Variants in RTTN observed in about 807,000 individuals in gnomAD.
RTTN encodes the protein rotatin.
A neutral mutation model predicts 269.2 loss-of-function variants in RTTN; 182 were observed. The observed-to-expected ratio is 0.68, with a 90% CI of 0.60 to 0.76. The LOEUF (loss-of-function observed/expected upper bound fraction) is 0.76. Ranked by LOEUF, RTTN falls within the 30% of genes least tolerant of loss-of-function variation. RTTN has a pLI of 0.00. For synonymous variants in RTTN, 1,006 were observed against 963.5 expected (o/e 1.04, Z -0.82); for missense variants, 2,545 against 2,608.6 (o/e 0.98, Z 0.53).
chr18:70,114,798 CA>C (rs2059562375), intron 26 of RTTN, among the ~76,000 whole-genome samples, 199 bp from the exon 27 acceptor site: 1 of 151,864 alleles, frequency 6.6e-6, no homozygotes, highest in Non-Finnish European at 1.5e-5. Context: ...ACATATTTAT[CA>C]TATAAAATAG....
chr18:70,148,131 C>G (rs1238614426), intron 17 of RTTN, among the ~76,000 whole-genome samples: 1 of 152,070 alleles, frequency 6.6e-6, no homozygotes, highest in East Asian at 1.9e-4. Context: ...GCTGTATTTT[C>G]CTGATGTAAG....
chr18:70,059,190 C>T (rs1349788572), intron 36 of RTTN, among the ~76,000 whole-genome samples: 1 of 152,082 alleles, frequency 6.6e-6, no homozygotes, highest in Non-Finnish European at 1.5e-5. Context: ...GTTAATGACA[C>T]AGTAGGGAGT....
chr18:70,035,462 A>C (rs896737006), intron 40 of RTTN, among the ~76,000 whole-genome samples: 1 of 152,262 alleles, frequency 6.6e-6, no homozygotes, highest in Non-Finnish European at 1.5e-5. Context: ...CAATGGGGAA[A>C]GAACTCCCTG....
At chr18:70,010,585 G>C (rs572349889) in intron 46 of RTTN, among the ~76,000 whole-genome samples, 1 of 152,186 alleles carries the variant, frequency 6.6e-6, no homozygotes, top group Non-Finnish European at 1.5e-5. Context: ...CACAGCTAAA[G>C]CAGTGTTTAG....
intron 23 of RTTN, chr18:70,131,101 T>C (rs1377223427): frequency 2.7e-5 from 4 of 150,456 alleles, no homozygotes; most frequent in Admixed American, 1.3e-4. Context: ...CCTAGAATTC[T>C]ATACCTAGTG....
intron 10 of RTTN, among the ~76,000 whole-genome samples, chr18:70,184,291 T>C (rs2146038826): frequency 6.6e-6 from 1 of 152,308 alleles, no homozygotes; most frequent in Middle Eastern, 3.4e-3. Context: ...CAGTGGCTCA[T>C]GCCTGTAGTC....
At chr18:70,115,475 A>T (rs1168793117) in intron 26 of RTTN, among the ~76,000 whole-genome samples, 1 of 151,912 alleles carries the variant, frequency 6.6e-6, no homozygotes, top group Non-Finnish European at 1.5e-5. Context: ...ATTAATAGAT[A>T]TATGGGATAT....
chr18:70,101,812 T>A (rs989766062), intron 28 of RTTN, among the ~76,000 whole-genome samples: 3 of 152,212 alleles, frequency 2.0e-5, no homozygotes, highest in Admixed American at 2.0e-4. Flanking sequence ...GCATCTTTAT[T>A]TCTGCCTTCA....
chr18:70,056,070 A>T (rs2057808957), intron 37 of RTTN, among the ~76,000 whole-genome samples: 1 of 152,216 alleles, frequency 6.6e-6, no homozygotes, highest in Admixed American at 6.5e-5. Flanking sequence ...ATCTGATACA[A>T]TGCATTTTAT....
chr18:70,182,374 T>C (rs952304313), intron 10 of RTTN, among the ~76,000 whole-genome samples: 2 of 152,144 alleles, frequency 1.3e-5, no homozygotes, highest in Non-Finnish European at 1.5e-5. Context: ...TAATTAAATA[T>C]AGACCGACTT....
chr18:70,065,771 T>C (rs2058116268), intron 35 of RTTN, 58 bp downstream of exon 35: 1 of 1,166,484 alleles, frequency 8.6e-7, no homozygotes, highest in South Asian at 1.6e-5. Flanking sequence ...AAAATATCTG[T>C]CTGGACCAAC....
chr18:70,155,144 C>T (rs2060640638), intron 14 of RTTN, among the ~76,000 whole-genome samples: 1 of 152,168 alleles, frequency 6.6e-6, no homozygotes, highest in Non-Finnish European at 1.5e-5. Flanking sequence ...TTCAATCTTT[C>T]CTCCTCTGAT....
At chr18:70,134,260 T>C (rs1317424491) in intron 23 of RTTN, among the ~76,000 whole-genome samples, 1 of 152,096 alleles carries the variant, frequency 6.6e-6, no homozygotes, top group African/African-American at 2.4e-5. Flanking sequence ...AGCTTTCAAC[T>C]TTCCTGTAAA....
In RTTN at chr18:70,017,650, A is replaced by C; in HGVS notation, c.6178T>G (p.Ser2060Ala). ...TTTCCTCCTTTTGGCAATGCTAGAG[A>C]GAGGAAGTTCTGTAAGAAGTTACTC... The part of the protein sequence containing the change: ...QKSNFLQNFL[S>A]LALPKGGNKH... The change falls in exon 46 of 49, where the codon TCT becomes GCT. Residue 2060 changes from serine to alanine, a missense_variant. Coordinates refer to ENST00000640769, the MANE Select transcript of RTTN (RefSeq NM_173630.4). The C allele has an allele frequency of 6.2e-7, 1 of 1,612,480 alleles. No homozygotes were observed. The highest frequency in any genetic ancestry group is 8.5e-7 in the Non-Finnish European group (1 of 1,179,142).
chr18:70,108,668 A>G (rs2059385698), intron 28 of RTTN, among the ~76,000 whole-genome samples: 1 of 152,206 alleles, frequency 6.6e-6, no homozygotes, highest in Non-Finnish European at 1.5e-5. Flanking sequence ...AATACATCAC[A>G]ACCTAACTGA....
In RTTN at chr18:70,142,407, A is replaced by C. The variant is rs756163907; in HGVS notation, c.2482-20T>G. On this transcript the variant is annotated intron_variant, in intron 18 of 48. Coordinates refer to ENST00000640769, the MANE Select transcript of RTTN (RefSeq NM_173630.4). The stretch of plus-strand genomic sequence containing the variant: ...CTCCAACTACAAACCAAAAAAAAAA[A>C]AAAACCAAAATTACATTTATCTGCT... 21 of 1,354,976 alleles carry C rather than the reference A, an allele frequency of 1.5e-5. No homozygotes were observed. The highest frequency in any genetic ancestry group is 2.1e-5 in the Non-Finnish European group (20 of 966,822). 83.9% of individuals were successfully genotyped at this position (1,354,976 alleles called of 1,614,324 possible).
rs776277816 is a variant in RTTN at position 70,114,615 on chromosome 18, T to C, written c.3529-16A>G. On this transcript the variant is annotated splice_polypyrimidine_tract_variant and intron_variant, in intron 26 of 48. Coordinates refer to ENST00000640769, the MANE Select transcript of RTTN (RefSeq NM_173630.4). ...GGTTTGCACTCTAAAAAATGAAATT[T>C]GTAAAAAATGTATTTACTAATTGAA... The C allele has an allele frequency of 1.9e-6, 3 of 1,602,520 alleles. No individual in the cohort carries two copies. Among genetic ancestry groups the C allele is most frequent in the Non-Finnish European group, 2.6e-6 (3 of 1,175,762 alleles).
chr18:70,031,493 A>G (rs532269680), intron 40 of RTTN: 1 of 396,804 alleles, frequency 2.5e-6, no homozygotes. Flanking sequence ...TTCTCAAAAA[A>G]TAGTGTGTAA....
chr18:70,179,055 A>T (rs943246646), intron 10 of RTTN, among the ~76,000 whole-genome samples: 6 of 152,188 alleles, frequency 3.9e-5, no homozygotes, highest in African/African-American at 1.2e-4. Context: ...AACATACTTT[A>T]CCACAAAGAA....
Sources: gnomAD v4.1 joint callset for allele counts (sites outside exome capture counted in the v4.1 genomes callset) on GRCh38, gnomAD v4.1.1 for gene constraint, MANE v1.5 for transcripts, NCBI Gene and HGNC (gene_info 2026-07-23, HGNC 2026-07-21) for gene names.